Variants in EYS observed in about 807,000 individuals in gnomAD.
The protein encoded by EYS is protein eyes shut homolog.
In EYS, 250 loss-of-function variants were observed where a neutral mutation model predicts 282.1. That is an observed-to-expected ratio of 0.89 (90% CI 0.80 to 0.98). The LOEUF is 0.98. Among genes scored for constraint, EYS ranks in the 50% least tolerant of loss-of-function variants. The probability of loss-of-function intolerance (pLI) is 0.00; values close to 1 mark genes in which losing one functional copy is unlikely to be tolerated. For synonymous variants in EYS, 1,355 were observed against 1,282.9 expected (o/e 1.06, Z -1.20); for missense variants, 4,016 against 3,709.0 (o/e 1.08, Z -2.15).
rs1770285831 is a variant in EYS, at chr6:64,323,266, T to C, written c.6079-16184A>G. Among the ~76,000 whole-genome samples, 4 of 152,150 alleles carry C rather than the reference T, an allele frequency of 2.6e-5. No individual in the cohort carries two copies. In the South Asian group the frequency reaches 8.3e-4, roughly 31 times the overall value. ...TCTATCCTCATAGATTTACCTATTG[T>C]GGATATGTTACACATCCTATGTGAT... On this transcript the variant is annotated intron_variant, in intron 29 of 42. Coordinates refer to ENST00000503581, the MANE Select transcript of EYS (RefSeq NM_001142800.2).
chr6:63,947,910 C>T (rs543477090), intron 35 of EYS, among the ~76,000 whole-genome samples: 1 of 152,142 alleles, frequency 6.6e-6, no homozygotes, highest in South Asian at 2.1e-4. Flanking sequence ...TTATTTAGGC[C>T]AATATAGCAA....
chr6:65,187,812 T>G (rs913984401), intron 12 of EYS, among the ~76,000 whole-genome samples: 1 of 151,742 alleles, frequency 6.6e-6, no homozygotes, highest in African/African-American at 2.4e-5. Context: ...GAAAACTTAT[T>G]GGAATTGGTA....
intron 22 of EYS, among the ~76,000 whole-genome samples, chr6:64,635,080 T>A (rs6902715): frequency 0.98 from 149,183 of 151,776 alleles, 73,354 homozygotes; most frequent in East Asian, 1. Flanking sequence ...ATTCTCTTTG[T>A]AGCAATTGTG....
At chr6:65,444,439 C>CTTTGCCACACAAGTGGTGT (rs1768572711) in intron 5 of EYS, among the ~76,000 whole-genome samples, 1 of 151,798 alleles carries the variant, frequency 6.6e-6, no homozygotes, top group Admixed American at 6.6e-5. Context: ...ACAAGTGGTG[C>CTTTGCCACACAAGTGGTGT]TTACTTTGCC....
intron 16 of EYS, 112 bp from the exon 17 acceptor site, chr6:64,902,612 AAG>A: frequency 8.5e-6 from 5 of 589,780 alleles, no homozygotes; most frequent in African/African-American, 2.0e-5. Flanking sequence ...AAAAAGGAAA[AAG>A]AAAATAATTA....
At chr6:64,561,430 A>G (rs1765391354) in intron 26 of EYS, among the ~76,000 whole-genome samples, 1 of 152,080 alleles carries the variant, frequency 6.6e-6, no homozygotes, top group Admixed American at 6.6e-5. Context: ...AAAACCCCAT[A>G]GTCTCCACCC....
chr6:64,943,061 C>G (rs1583316297), intron 15 of EYS, among the ~76,000 whole-genome samples: 1 of 151,926 alleles, frequency 6.6e-6, no homozygotes, highest in Non-Finnish European at 1.5e-5. Context: ...TCACCAAACA[C>G]AAATCAATAA....
chr6:64,800,607 C>T (rs1240410773), intron 22 of EYS, among the ~76,000 whole-genome samples: 1 of 148,286 alleles, frequency 6.7e-6, no homozygotes, highest in East Asian at 2.0e-4. Context: ...GCTTATTTAA[C>T]TCTTTAGATT....
At chr6:64,902,876 A>T (rs78205005) in intron 16 of EYS, among the ~76,000 whole-genome samples, 1 of 152,300 alleles carries the variant, frequency 6.6e-6, no homozygotes, top group East Asian at 1.9e-4. Flanking sequence ...AGCTTCAATG[A>T]TCAAATTTAT....
intron 28 of EYS, among the ~76,000 whole-genome samples, chr6:64,429,021 A>C (rs966935254): frequency 6.6e-6 from 1 of 152,140 alleles, no homozygotes; most frequent in Non-Finnish European, 1.5e-5. Flanking sequence ...ATAGACTGAC[A>C]TCAGCTACAT....
At chr6:65,267,958 C>G (rs1767802347) in intron 12 of EYS, among the ~76,000 whole-genome samples, 1 of 151,856 alleles carries the variant, frequency 6.6e-6, no homozygotes, top group South Asian at 2.1e-4. Context: ...CCTCTAAACA[C>G]ACACACACCC....
At chr6:64,725,283 A>G (rs1022060880) in intron 22 of EYS, among the ~76,000 whole-genome samples, 3 of 152,162 alleles carry the variant, frequency 2.0e-5, no homozygotes, top group African/African-American at 7.2e-5. Flanking sequence ...AGAAATGGGT[A>G]ATCAAATGAC....
rs78388948 is a variant in EYS, at chr6:64,824,277, G to A, written c.2993-1455C>T. Reference sequence around the variant, plus strand: ...GACTAAGTCCAACAGAAATGGAATGGGAAAGAATGTTTCTCCCACAGGAAA... The same window carrying A: ...GACTAAGTCCAACAGAAATGGAATGAGAAAGAATGTTTCTCCCACAGGAAA... On this transcript the variant is annotated intron_variant, in intron 19 of 42. Transcript: ENST00000503581. 8.9e-3 allele frequency among the ~76,000 whole-genome samples: 1,347 copies of A among 151,956 alleles called. 22 individuals are homozygous for A. The highest frequency in any genetic ancestry group is 0.027 in the Middle Eastern group (8 of 294).
intron 5 of EYS, among the ~76,000 whole-genome samples, chr6:65,414,998 G>A (rs916908538): frequency 2.6e-5 from 4 of 151,940 alleles, no homozygotes; most frequent in African/African-American, 7.2e-5. Flanking sequence ...CAAGGAAGGG[G>A]GAATGTAGGA....
intron 22 of EYS, among the ~76,000 whole-genome samples, chr6:64,633,630 A>G (rs1030423266): frequency 3.4e-5 from 5 of 147,542 alleles, no homozygotes; most frequent in Non-Finnish European, 6.0e-5. Flanking sequence ...TCTCAGCAAA[A>G]AAAAAAAAAA....
At chr6:64,039,912 G>C (rs1380073688) in intron 33 of EYS, among the ~76,000 whole-genome samples, 3 of 151,946 alleles carry the variant, frequency 2.0e-5, no homozygotes, top group Non-Finnish European at 4.4e-5. Context: ...TAATAACATA[G>C]GGATTATTTC....
chr6:64,318,056 A>G (rs1043570582), intron 29 of EYS, among the ~76,000 whole-genome samples: 1 of 152,058 alleles, frequency 6.6e-6, no homozygotes. Context: ...GAGGAATAGC[A>G]TTGGGAGAAA....
chr6:64,421,292 T>A (rs1354736026), intron 28 of EYS, among the ~76,000 whole-genome samples: 2 of 152,002 alleles, frequency 1.3e-5, no homozygotes, highest in Non-Finnish European at 2.9e-5. Context: ...GAACTTAATA[T>A]CATAAAAATA....
chr6:64,380,306 A>G (rs890796745), intron 29 of EYS, among the ~76,000 whole-genome samples: 3 of 152,196 alleles, frequency 2.0e-5, no homozygotes, highest in Non-Finnish European at 4.4e-5. Flanking sequence ...CACCTCATGT[A>G]TAATAGCTGT....
Sources: gnomAD v4.1 joint callset for allele counts (sites outside exome capture counted in the v4.1 genomes callset) on GRCh38, gnomAD v4.1.1 for gene constraint, MANE v1.5 for transcripts, NCBI Gene and HGNC (gene_info 2026-07-23, HGNC 2026-07-21) for gene names.